The following CSMD1 variants were observed in gnomAD, a reference collection of about 807,000 sequenced individuals.
CSMD1 encodes CUB and Sushi multiple domains 1.
A neutral mutation model predicts 417.5 loss-of-function variants in CSMD1; 213 were observed. That is an observed-to-expected ratio of 0.51 (90% CI 0.46 to 0.57). The LOEUF (loss-of-function observed/expected upper bound fraction) is 0.57, where lower values mean the gene tolerates loss of function less well. Among genes scored for constraint, CSMD1 ranks in the 20% least tolerant of loss-of-function variants. The pLI is 0.00. For missense variants in CSMD1, 6,923 were observed against 4,529.7 expected, an observed-to-expected ratio of 1.53 and a Z score of -15.17; for synonymous variants, 2,862 against 1,736.8, an observed-to-expected ratio of 1.65 and a Z score of -16.11.
At chr8:3,839,547 A>T (rs1184636241) in intron 5 of CSMD1, among the ~76,000 whole-genome samples, 9 of 83,778 alleles carry the variant, frequency 1.1e-4, no homozygotes, top group African/African-American at 3.0e-4. Context: ...TTTATATATT[A>T]TATATATATT....
intron 2 of CSMD1, among the ~76,000 whole-genome samples, chr8:4,589,013 C>G (rs573920091): frequency 6.6e-6 from 1 of 152,068 alleles, no homozygotes; most frequent in African/African-American, 2.4e-5. Context: ...GTTATGTATA[C>G]ATTATACAAC....
intron 5 of CSMD1, among the ~76,000 whole-genome samples, chr8:3,993,247 A>G (rs1476075547): frequency 6.6e-6 from 1 of 152,246 alleles, no homozygotes; most frequent in Non-Finnish European, 1.5e-5. Context: ...ATTCAAAATA[A>G]TAACAACATG....
intron 3 of CSMD1, among the ~76,000 whole-genome samples, chr8:4,401,169 GT>G (rs1804621516): frequency 6.6e-6 from 1 of 152,082 alleles, no homozygotes; most frequent in African/African-American, 2.4e-5. Flanking sequence ...CAAAACAGGG[GT>G]TCCATCCAAA....
chr8:4,205,349 A>G (rs566601167), intron 3 of CSMD1, among the ~76,000 whole-genome samples: 1 of 152,364 alleles, frequency 6.6e-6, no homozygotes, highest in African/African-American at 2.4e-5. Flanking sequence ...AATGATTGAG[A>G]TAAATGTCAC....
intron 10 of CSMD1, among the ~76,000 whole-genome samples, chr8:3,558,555 C>T (rs1256526056): frequency 6.8e-6 from 1 of 148,138 alleles, no homozygotes; most frequent in East Asian, 2.0e-4. Context: ...CTCAATGGTA[C>T]CCCGTGTCCA....
At chr8:4,064,938 A>C (rs1039739140) in intron 3 of CSMD1, among the ~76,000 whole-genome samples, 1 of 152,184 alleles carries the variant, frequency 6.6e-6, no homozygotes, top group African/African-American at 2.4e-5. Flanking sequence ...TTAAAAAAAA[A>C]AACCTTACCT....
At chr8:3,616,842 G>A (rs1215459442) in intron 7 of CSMD1, 45 bp from the exon 8 acceptor site, 3 of 1,346,814 alleles carry the variant, frequency 2.2e-6, no homozygotes, top group Middle Eastern at 1.8e-4. Flanking sequence ...TAGTTATTGA[G>A]GAAATACCCA....
intron 26 of CSMD1, among the ~76,000 whole-genome samples, chr8:3,251,543 G>A (rs193008312): frequency 5.9e-5 from 9 of 152,216 alleles, no homozygotes; most frequent in South Asian, 4.2e-4. Flanking sequence ...ACTTGGCGAT[G>A]CGGGCTCTTT....
At chr8:3,504,849 G>C (rs924508618) in intron 10 of CSMD1, among the ~76,000 whole-genome samples, 2 of 152,134 alleles carry the variant, frequency 1.3e-5, no homozygotes, top group Non-Finnish European at 1.5e-5. Flanking sequence ...CAAGTTGAGA[G>C]TCATGTGAAA....
At chr8:4,593,414 T>C (rs1800089118) in intron 2 of CSMD1, among the ~76,000 whole-genome samples, 1 of 152,208 alleles carries the variant, frequency 6.6e-6, no homozygotes, top group Non-Finnish European at 1.5e-5. Context: ...TTTGGCATAA[T>C]GTTTCATTCC....
intron 1 of CSMD1, among the ~76,000 whole-genome samples, chr8:4,758,573 C>A (rs1467473475): frequency 1.3e-5 from 2 of 152,170 alleles, no homozygotes; most frequent in Non-Finnish European, 2.9e-5. Flanking sequence ...TTTCTCACTG[C>A]TATACCAAGA....
chr8:4,979,452 G>T (rs1365679783), intron 1 of CSMD1, among the ~76,000 whole-genome samples: 1 of 142,860 alleles, frequency 7.0e-6, no homozygotes, highest in Non-Finnish European at 1.6e-5. Context: ...TATAGCAGAT[G>T]CCGTCAAAGG....
At chr8:4,948,739 A>G (rs567046036) in intron 1 of CSMD1, among the ~76,000 whole-genome samples, 109 of 152,236 alleles carry the variant, frequency 7.2e-4, no homozygotes, top group Non-Finnish European at 1.3e-3. Flanking sequence ...ACCATTTAAG[A>G]AAAGTGATAG....
intron 1 of CSMD1, among the ~76,000 whole-genome samples, chr8:4,981,783 C>G (rs117761840): frequency 0.032 from 4,905 of 152,178 alleles, 101 homozygotes; most frequent in Middle Eastern, 0.13. Flanking sequence ...TTCCTTTCAA[C>G]CAACACAGCA....
chr8:3,693,265 G>T (rs1000539939), intron 7 of CSMD1, among the ~76,000 whole-genome samples: 3 of 152,130 alleles, frequency 2.0e-5, no homozygotes, highest in African/African-American at 4.8e-5. Flanking sequence ...CAAGTAGGAT[G>T]CAAGGTCACT....
intron 3 of CSMD1, among the ~76,000 whole-genome samples, chr8:4,245,391 C>G (rs886126788): frequency 1.3e-5 from 2 of 152,112 alleles, no homozygotes; most frequent in African/African-American, 2.4e-5. Context: ...TTCTGACAGC[C>G]TGATCCACAC....
chr8:3,634,741 A>G (rs1340087818), intron 7 of CSMD1, among the ~76,000 whole-genome samples: 1 of 152,156 alleles, frequency 6.6e-6, no homozygotes, highest in Non-Finnish European at 1.5e-5. Flanking sequence ...TTGAGCCATG[A>G]TTAAGGCACA....
At chr8:4,029,520 G>C (rs537837169) in intron 4 of CSMD1, among the ~76,000 whole-genome samples, 33 of 152,202 alleles carry the variant, frequency 2.2e-4, no homozygotes, top group African/African-American at 7.9e-4. Context: ...ACTATCACAA[G>C]AACAGCGCAG....
At chr8:3,653,972 T>G (rs894353637) in intron 7 of CSMD1, among the ~76,000 whole-genome samples, 15 of 152,222 alleles carry the variant, frequency 9.9e-5, no homozygotes, top group Admixed American at 9.8e-4. Context: ...TGTTGTCACA[T>G]AGAAAATGTG....
Sources: allele counts gnomAD v4.1 joint callset (sites outside exome capture counted in the v4.1 genomes callset), GRCh38; gene constraint gnomAD v4.1.1; transcripts MANE v1.5; gene names NCBI Gene and HGNC (gene_info 2026-07-23, HGNC 2026-07-21).